Variants in MYO3B observed in about 807,000 individuals in gnomAD.
MYO3B encodes the protein myosin-IIIb.
A neutral mutation model predicts 174.6 loss-of-function variants in MYO3B; 156 were observed. The observed-to-expected ratio is 0.89, with a 90% CI of 0.78 to 1.02. The LOEUF is 1.02. MYO3B is among the 50% of genes least tolerant of loss of function. The probability of loss-of-function intolerance (pLI) is 0.00; values close to 1 mark genes in which losing one functional copy is unlikely to be tolerated. For synonymous variants in MYO3B, 563 were observed against 569.1 expected (o/e 0.99, Z 0.15); for missense variants, 1,632 against 1,639.4 (o/e 1.00, Z 0.08).
intron 1 of MYO3B, among the ~76,000 whole-genome samples, chr2:170,179,353 G>A (rs181300503): frequency 1.1e-4 from 16 of 152,186 alleles, no homozygotes; most frequent in African/African-American, 3.9e-4. Flanking sequence ...CATCCAGATA[G>A]GTGGTTTGTG....
chr2:170,438,372 T>C (rs1315297176), intron 22 of MYO3B, among the ~76,000 whole-genome samples: 2 of 152,248 alleles, frequency 1.3e-5, no homozygotes, highest in Non-Finnish European at 2.9e-5. Flanking sequence ...CCCTTGTGAA[T>C]AATGGTGCAA....
At chr2:170,376,040 G>C (rs2094290417) in intron 9 of MYO3B, among the ~76,000 whole-genome samples, 1 of 152,116 alleles carries the variant, frequency 6.6e-6, no homozygotes, top group Non-Finnish European at 1.5e-5. Flanking sequence ...TGTTTAATAT[G>C]ATTAATGATA....
intron 7 of MYO3B, among the ~76,000 whole-genome samples, chr2:170,310,415 C>A (rs141776814): frequency 1.3e-5 from 2 of 152,110 alleles, no homozygotes; most frequent in Non-Finnish European, 2.9e-5. Context: ...GTGATCCCAG[C>A]ACTTTGCGAG....
intron 23 of MYO3B, among the ~76,000 whole-genome samples, chr2:170,445,509 T>C (rs1456871611): frequency 6.6e-6 from 1 of 152,034 alleles, no homozygotes; most frequent in African/African-American, 2.4e-5. Flanking sequence ...GCCTAGCTAA[T>C]TTTGTATTTT....
intron 7 of MYO3B, among the ~76,000 whole-genome samples, chr2:170,250,609 A>G (rs556354248): frequency 6.6e-6 from 1 of 152,364 alleles, no homozygotes; most frequent in Admixed American, 6.5e-5. Flanking sequence ...AGTGTTAACC[A>G]GCTCAGTAGA....
chr2:170,623,016 A>C (rs1172772263), intron 32 of MYO3B, among the ~76,000 whole-genome samples: 1 of 152,206 alleles, frequency 6.6e-6, no homozygotes, highest in Non-Finnish European at 1.5e-5. Context: ...TATTGTGAGT[A>C]GTGCCGCAGT....
chr2:170,563,160 C>A (rs931810383), intron 32 of MYO3B, among the ~76,000 whole-genome samples: 21 of 149,604 alleles, frequency 1.4e-4, no homozygotes, highest in African/African-American at 5.2e-4. Context: ...ACACACACAC[C>A]CCAAGAATCA....
At chr2:170,443,770 A>G (rs2094819882) in intron 22 of MYO3B, among the ~76,000 whole-genome samples, 197 bp from the exon 23 acceptor site, 1 of 151,422 alleles carries the variant, frequency 6.6e-6, no homozygotes, top group East Asian at 1.9e-4. Flanking sequence ...TAAGTTACAA[A>G]TTATTTTAAA....
At chr2:170,289,626 C>T (rs2093582429) in intron 7 of MYO3B, among the ~76,000 whole-genome samples, 1 of 151,566 alleles carries the variant, frequency 6.6e-6, no homozygotes. Flanking sequence ...AAAGGTTTGT[C>T]AATTTTTTTA....
intron 30 of MYO3B, among the ~76,000 whole-genome samples, chr2:170,539,018 A>G (rs1340496828): frequency 2.0e-5 from 3 of 152,220 alleles, no homozygotes; most frequent in African/African-American, 7.2e-5. Flanking sequence ...ATCGTCCCAT[A>G]CCAATTCATA....
At chr2:170,299,500 T>C (rs937638739) in intron 7 of MYO3B, among the ~76,000 whole-genome samples, 2 of 152,254 alleles carry the variant, frequency 1.3e-5, no homozygotes, top group East Asian at 1.9e-4. Flanking sequence ...CCAATATTTA[T>C]TGAATACTTG....
At chr2:170,491,446 T>A (rs1686462185) in intron 25 of MYO3B, among the ~76,000 whole-genome samples, 2 of 115,412 alleles carry the variant, frequency 1.7e-5, no homozygotes, top group South Asian at 5.6e-4. Context: ...TTTTTTTTAT[T>A]TTAAGACGGA....
chr2:170,325,738 G>T (rs112289671), intron 7 of MYO3B, among the ~76,000 whole-genome samples: 146 of 152,258 alleles, frequency 9.6e-4, no homozygotes, highest in African/African-American at 3.3e-3. Context: ...CAGGGGCAAA[G>T]GCTGTGTTCC....
chr2:170,600,260 C>G (rs1694428018), intron 32 of MYO3B, among the ~76,000 whole-genome samples: 1 of 151,882 alleles, frequency 6.6e-6, no homozygotes, highest in Non-Finnish European at 1.5e-5. Context: ...CATAACAAAA[C>G]AACACTCCAT....
At chr2:170,450,638 C>A (rs1683548179) in intron 23 of MYO3B, among the ~76,000 whole-genome samples, 1 of 151,686 alleles carries the variant, frequency 6.6e-6, no homozygotes, top group Non-Finnish European at 1.5e-5. Flanking sequence ...ACATAAAAAT[C>A]TTTTTCAAAA....
At chr2:170,187,819 A>G (rs2092485368) in intron 1 of MYO3B, among the ~76,000 whole-genome samples, 1 of 152,094 alleles carries the variant, frequency 6.6e-6, no homozygotes, top group African/African-American at 2.4e-5. Flanking sequence ...TTAATCCGTC[A>G]TGGTTGGAGA....
chr2:170,534,628 C>T (rs975357590), intron 30 of MYO3B, among the ~76,000 whole-genome samples: 1 of 152,034 alleles, frequency 6.6e-6, no homozygotes, highest in African/African-American at 2.4e-5. Context: ...TTTGTAGAAA[C>T]AAGGTCTCAC....
At chr2:170,611,447 C>T (rs546014785) in intron 32 of MYO3B, among the ~76,000 whole-genome samples, 1 of 151,872 alleles carries the variant, frequency 6.6e-6, no homozygotes, top group South Asian at 2.1e-4. Flanking sequence ...CAAAGCTTCA[C>T]GTAAAATTTG....
chr2:170,193,370 G>T lies in MYO3B; in HGVS notation c.3-5838G>T, dbSNP rs115664126. Among the ~76,000 whole-genome samples, 1,451 of 151,706 alleles carry T rather than the reference G, an allele frequency of 9.6e-3. 14 individuals carry two copies. The highest frequency in any genetic ancestry group is 0.042 in the Middle Eastern group (12 of 284). On this transcript the variant is annotated intron_variant, in intron 1 of 34. Coordinates refer to ENST00000408978, the MANE Select transcript of MYO3B (RefSeq NM_138995.5). ...TAATATTATGATTCTTTTTGGTTTT[G>T]TTATCATTTACCTGGTTTATCTTTG...
Sources: gnomAD v4.1 joint callset for allele counts (sites outside exome capture counted in the v4.1 genomes callset) on GRCh38, gnomAD v4.1.1 for gene constraint, MANE v1.5 for transcripts, NCBI Gene and HGNC (gene_info 2026-07-23, HGNC 2026-07-21) for gene names.